Variants in AMY2B observed in about 807,000 individuals in gnomAD.
AMY2B encodes amylase alpha 2B.
In AMY2B, 63 loss-of-function variants were observed where a neutral mutation model predicts 59.3. The ratio of observed to expected loss-of-function variants is 1.06; its 90% CI spans 0.87 to 1.31. The LOEUF is 1.31. Among genes scored for constraint, AMY2B ranks in the 50% most tolerant of loss-of-function variants. The probability of loss-of-function intolerance (pLI) is 0.00; values close to 1 mark genes in which losing one functional copy is unlikely to be tolerated. For synonymous variants in AMY2B, 180 were observed against 198.1 expected, an observed-to-expected ratio of 0.91 and a Z score of 0.77; for missense variants, 635 against 626.7, an observed-to-expected ratio of 1.01 and a Z score of -0.14.
chr1:103,576,920 G>T (rs1044619923), intron 7 of AMY2B, among the ~76,000 whole-genome samples: 6 of 152,134 alleles, frequency 3.9e-5, no homozygotes, highest in African/African-American at 1.2e-4. Context: ...CAATGACATT[G>T]CATGGCTTAC....
chr1:103,573,608 AAT>A (rs1652224108), intron 3 of AMY2B, 98 bp from the exon 4 acceptor site: 1 of 1,542,848 alleles, frequency 6.5e-7, no homozygotes, highest in Admixed American at 1.7e-5. Flanking sequence ...GTCACTATAG[AAT>A]ATCTCTTGAG....
rs779102366 is a variant in AMY2B, at chr1:103,575,401, A to G, written c.1002-40A>G. The G allele has an allele frequency of 5.6e-6, 9 of 1,612,748 alleles. No individual in the cohort carries two copies. The South Asian group carries it at 8.8e-5, about 16-fold the overall frequency. ...CACATCTTTTAATGATGGTAATGAT[A>G]TTCTGATATTCTGTGATAATATAAT... On this transcript the variant is annotated intron_variant, in intron 6 of 9. Transcript: ENST00000684275.
At chr1:103,570,496 TCAC>T, upstream of AMY2B, 1 of 652,002 alleles carries the variant, frequency 1.5e-6, no homozygotes, top group Admixed American at 1.8e-5. Flanking sequence ...CAGAAGGAGA[TCAC>T]CACCCGGGCA....
chr1:103,569,744 T>G (rs997252741), upstream of AMY2B: 2 of 416,168 alleles, frequency 4.8e-6, no homozygotes, highest in East Asian at 6.4e-5. Flanking sequence ...CACAGTATCC[T>G]GACCCTGAAG....
intron 4 of AMY2B, 84 bp from the exon 5 acceptor site, chr1:103,574,176 T>C (rs1652252186): frequency 1.9e-6 from 3 of 1,574,914 alleles, no homozygotes; most frequent in Non-Finnish European, 2.6e-6. Flanking sequence ...AGCTTAAAGC[T>C]ATCTTTTATA....
upstream of AMY2B, among the ~76,000 whole-genome samples, chr1:103,567,896 A>G (rs550003875): frequency 2.8e-4 from 42 of 152,076 alleles, 1 homozygote; most frequent in South Asian, 7.9e-3. Context: ...TCTTTCCTCT[A>G]TCTGTTGCTC....
At position 103,571,641 on chromosome 1, in the gene AMY2B, C is replaced by G. The variant is rs772226687; in HGVS notation, c.39C>G (p.Cys13Trp). Residue 13 changes from cysteine to tryptophan, a missense_variant, in exon 1 of 10, where the codon TGC becomes TGG. Coordinates refer to ENST00000684275, the MANE Select transcript of AMY2B (RefSeq NM_001387437.1). ...FFLLLFTIGFCWAQYSPNTQQ... is the reference protein window; with the variant it reads ...FFLLLFTIGFWWAQYSPNTQQ... ...TGTTGCTTTTCACCATTGGGTTCTG[C>G]TGGGCTCAGTATTCCCCAAATACAC... 6.2e-7 allele frequency: 1 copy of G among 1,611,896 alleles called. No individual in the cohort carries two copies. The highest frequency in any genetic ancestry group is 1.7e-5 in the Admixed American group (1 of 60,012).
intron 1 of AMY2B, among the ~76,000 whole-genome samples, chr1:103,555,797 A>G (rs1651529177): frequency 6.6e-6 from 1 of 152,106 alleles, no homozygotes; most frequent in African/African-American, 2.4e-5. Context: ...ATGGGTTGTT[A>G]ATGGAGGGCA....
chr1:103,570,219 T>G (rs1387155204), upstream of AMY2B: 1 of 514,266 alleles, frequency 1.9e-6, no homozygotes, highest in African/African-American at 1.9e-5. Flanking sequence ...CCCTGGACTT[T>G]GAGCAGTAGA....
At chr1:103,574,006 A>G in intron 4 of AMY2B, 68 bp downstream of exon 4, 2 of 1,611,142 alleles carry the variant, frequency 1.2e-6, no homozygotes, top group Non-Finnish European at 1.7e-6. Context: ...AGATTTAATT[A>G]AAAATGCAAT....
rs1245731609 is a variant in AMY2B at position 103,575,343 on chromosome 1, T to G, written c.999T>G (p.Ala333=). 2.5e-6 allele frequency: 4 copies of G among 1,613,482 alleles called. No individual in the cohort carries two copies. Among genetic ancestry groups the G allele is most frequent in the Admixed American group, 1.7e-5 (1 of 59,954 alleles). ...GGASILTFWD[A]RLYKMAVGFM... is the part of the protein sequence containing the mutation. Reference sequence around the variant, plus strand: ...CCTCTATTCTTACCTTCTGGGATGCTAGGTAGAAAACCAAGTTCTCTATTT... The same window carrying G: ...CCTCTATTCTTACCTTCTGGGATGCGAGGTAGAAAACCAAGTTCTCTATTT... The change falls in exon 6 of 10, where the codon GCT becomes GCG. Residue 333 remains alanine, a splice_region_variant and synonymous_variant. Coordinates refer to ENST00000684275, the MANE Select transcript of AMY2B (RefSeq NM_001387437.1).
intron 5 of AMY2B, among the ~76,000 whole-genome samples, chr1:103,574,670 C>T (rs2101076030): frequency 6.6e-6 from 1 of 152,038 alleles, no homozygotes; most frequent in East Asian, 1.9e-4. Context: ...TGCATATAAT[C>T]TTTTAAAGCC....
chr1:103,575,639 T>G, intron 7 of AMY2B, 99 bp downstream of exon 7: 1 of 1,525,756 alleles, frequency 6.6e-7, no homozygotes. Context: ...ATTCAACAAA[T>G]AATTGATTAG....
At chr1:103,569,670 C>A, upstream of AMY2B, 1 of 387,462 alleles carries the variant, frequency 2.6e-6, no homozygotes, top group Non-Finnish European at 5.2e-6. Context: ...GCCCCCGGCA[C>A]CAGGGCATGA....
chr1:103,565,468 A>C (rs1651877552), exon 2 of AMY2B: 1 of 152,320 alleles, frequency 6.6e-6, no homozygotes, highest in East Asian at 1.9e-4. Context: ...ACCCATGGAT[A>C]TGGAGGGCTG....
chr1:103,555,791 G>A (rs577873552), intron 1 of AMY2B, among the ~76,000 whole-genome samples: 1 of 152,118 alleles, frequency 6.6e-6, no homozygotes, highest in Admixed American at 6.6e-5. Context: ...TGAGAAATGG[G>A]TTGTTAATGG....
At chr1:103,572,025 AT>A in intron 1 of AMY2B, 84 bp from the exon 2 acceptor site, 3 of 1,590,374 alleles carry the variant, frequency 1.9e-6, no homozygotes, top group Non-Finnish European at 1.7e-6. Context: ...AGATTCAAGA[AT>A]TTTTTATATT....
chr1:103,555,812 A>G (rs1456142466), intron 1 of AMY2B, among the ~76,000 whole-genome samples: 2 of 152,286 alleles, frequency 1.3e-5, no homozygotes, highest in Admixed American at 6.5e-5. Flanking sequence ...AGGGCAATGT[A>G]GTATCAAAAA....
intron 6 of AMY2B, 44 bp downstream of exon 6, chr1:103,575,389 G>T (rs199878320): frequency 6.2e-7 from 1 of 1,612,732 alleles, no homozygotes; most frequent in Non-Finnish European, 8.5e-7. Context: ...ATCTTTTAAT[G>T]ATGGTAATGA....
Sources: gnomAD v4.1 joint callset for allele counts (sites outside exome capture counted in the v4.1 genomes callset) on GRCh38, gnomAD v4.1.1 for gene constraint, MANE v1.5 for transcripts, NCBI Gene and HGNC (gene_info 2026-07-23, HGNC 2026-07-21) for gene names.